The following AGMO variants were observed in gnomAD, a reference collection of about 807,000 sequenced individuals.
AGMO encodes glyceryl-ether monooxygenase.
Under a neutral mutation model 60.2 loss-of-function variants are expected in AGMO, and 75 were observed. The ratio of observed to expected loss-of-function variants is 1.25; its 90% CI spans 1.03 to 1.51. AGMO has a LOEUF of 1.51. Ranked by LOEUF, AGMO falls within the 40% of genes most tolerant of loss-of-function variation. The pLI is 0.00. For synonymous variants in AGMO, 261 were observed against 177.1 expected (o/e 1.47, Z -3.76); for missense variants, 763 against 525.5 (o/e 1.45, Z -4.42).
the AGMO span, among the ~76,000 whole-genome samples, chr7:15,192,000 CACACACAG>C: frequency 2.0e-3 from 275 of 134,856 alleles, no homozygotes; most frequent in African/African-American, 7.5e-3. Context: ...CACACACACA[CACACACAG>C]AGAACTATTC....
At chr7:15,235,678 G>A (rs1782397228) in intron 12 of AGMO, among the ~76,000 whole-genome samples, 2 of 152,100 alleles carry the variant, frequency 1.3e-5, no homozygotes, top group African/African-American at 4.8e-5. Context: ...GATAGGGATT[G>A]TTATAGCCAC....
intron 12 of AGMO, among the ~76,000 whole-genome samples, chr7:15,310,779 G>T (rs1780747330): frequency 6.6e-6 from 1 of 151,978 alleles, no homozygotes; most frequent in African/African-American, 2.4e-5. Flanking sequence ...GTCTGAAATG[G>T]GCCTCACTGT....
At chr7:15,174,733 A>G in the AGMO span, among the ~76,000 whole-genome samples, 1 of 148,820 alleles carries the variant, frequency 6.7e-6, no homozygotes, top group Non-Finnish European at 1.5e-5. Flanking sequence ...TACTGGGCAC[A>G]CCTATTTTAA....
At chr7:15,451,028 T>C (rs1781842991) in intron 3 of AGMO, among the ~76,000 whole-genome samples, 1 of 151,752 alleles carries the variant, frequency 6.6e-6, no homozygotes, top group Non-Finnish European at 1.5e-5. Flanking sequence ...GGTAAATATG[T>C]TAGAAAAATT....
intron 10 of AGMO, among the ~76,000 whole-genome samples, chr7:15,380,852 G>C (rs933253381): frequency 6.6e-6 from 1 of 152,110 alleles, no homozygotes; most frequent in African/African-American, 2.4e-5. Flanking sequence ...CAATGGAACA[G>C]AACAGAGAAC....
intron 2 of AGMO, among the ~76,000 whole-genome samples, chr7:15,558,471 A>G (rs1785210912): frequency 6.6e-6 from 1 of 152,068 alleles, no homozygotes; most frequent in Admixed American, 6.6e-5. Context: ...AACTAAATCT[A>G]CATCTAAATC....
chr7:15,524,451 T>C (rs1784073510), intron 3 of AGMO, among the ~76,000 whole-genome samples: 1 of 152,192 alleles, frequency 6.6e-6, no homozygotes, highest in Non-Finnish European at 1.5e-5. Flanking sequence ...TAATTGGTAA[T>C]TATTTATAAA....
intron 10 of AGMO, among the ~76,000 whole-genome samples, chr7:15,383,587 AAAAT>A (rs1047920937): frequency 2.0e-5 from 3 of 152,184 alleles, no homozygotes; most frequent in Admixed American, 6.5e-5. Flanking sequence ...GTACCTAACT[AAAAT>A]AATTCCATAG....
chr7:15,119,375 C>A, the AGMO span, among the ~76,000 whole-genome samples: 5 of 152,076 alleles, frequency 3.3e-5, no homozygotes, highest in Admixed American at 6.6e-5. Flanking sequence ...ATTACCCAGT[C>A]TTGGGTGTTT....
chr7:15,518,961 G>T (rs1448774565), intron 3 of AGMO, among the ~76,000 whole-genome samples: 2 of 151,746 alleles, frequency 1.3e-5, no homozygotes, highest in African/African-American at 4.8e-5. Flanking sequence ...AACCAGTTTA[G>T]AGAAGAACAG....
intron 3 of AGMO, among the ~76,000 whole-genome samples, chr7:15,503,806 C>G (rs1783446013): frequency 6.6e-6 from 1 of 151,984 alleles, no homozygotes. Context: ...AGCATTTACT[C>G]ATAGTCTCTG....
intron 3 of AGMO, among the ~76,000 whole-genome samples, chr7:15,531,416 T>C (rs1434634104): frequency 1.3e-4 from 10 of 78,340 alleles, no homozygotes; most frequent in Non-Finnish European, 1.5e-4. Flanking sequence ...CTATATATAT[T>C]CTATATATAT....
chr7:15,285,606 T>C (rs1784079296), intron 12 of AGMO, among the ~76,000 whole-genome samples: 1 of 151,918 alleles, frequency 6.6e-6, no homozygotes. Flanking sequence ...TCCCAGGCCC[T>C]TGGATTGGCA....
chr7:15,434,143 C>T (rs1781333198), intron 3 of AGMO, among the ~76,000 whole-genome samples: 1 of 152,008 alleles, frequency 6.6e-6, no homozygotes, highest in African/African-American at 2.4e-5. Context: ...TGGCTCCCTG[C>T]TTCAGATAAT....
chr7:15,385,077 T>C (rs530640468), intron 10 of AGMO, among the ~76,000 whole-genome samples: 1 of 152,292 alleles, frequency 6.6e-6, no homozygotes, highest in African/African-American at 2.4e-5. Context: ...GGGAATTCTC[T>C]AAGTGAAGGT....
intron 2 of AGMO, among the ~76,000 whole-genome samples, chr7:15,550,722 G>A (rs1421688891): frequency 1.6e-4 from 23 of 142,602 alleles, no homozygotes; most frequent in African/African-American, 4.2e-4. Context: ...ATTCACAGCC[G>A]AATTCTACCA....
rs767457600 is a variant in AGMO, at chr7:15,390,873, CATA to C, written c.706_708del (p.Tyr236del). The C allele has an allele frequency of 1.2e-4, 195 of 1,604,324 alleles. No individual in the cohort carries two copies. Among genetic ancestry groups the C allele is most frequent in the Admixed American group, 1.0e-4 (6 of 59,228 alleles). ...TTATCCCAAATAATAAGAACACCAG[CATA>C]ATTTTTGTCTATGCAATAACGATTT... On this transcript the variant is annotated inframe_deletion, in exon 7 of 13. Coordinates refer to ENST00000342526, the MANE Select transcript of AGMO (RefSeq NM_001004320.2).
intron 12 of AGMO, among the ~76,000 whole-genome samples, chr7:15,261,286 C>T (rs186703535): frequency 0.011 from 1,683 of 151,910 alleles, 20 homozygotes; most frequent in Middle Eastern, 0.017. Context: ...GAGAGACGAT[C>T]CAAATAAGCT....
At position 15,328,101 on chromosome 7, in the gene AGMO, TTTTC is replaced by T. The variant is rs542219935; in HGVS notation, c.1263+37409_1263+37412del. On this transcript the variant is annotated intron_variant, in intron 12 of 12. Coordinates refer to ENST00000342526, the MANE Select transcript of AGMO (RefSeq NM_001004320.2). ...AATACACTGAGTCCTTCCTTCCTTC[TTTTC>T]TTTTTTATTTTTTTTCCAAAGTCTC... 7.5e-4 allele frequency among the ~76,000 whole-genome samples: 114 copies of T among 151,430 alleles called. No individual in the cohort carries two copies. The Middle Eastern group carries it at 0.01, about 14-fold the overall frequency.
Sources: gnomAD v4.1 joint callset for allele counts (sites outside exome capture counted in the v4.1 genomes callset) on GRCh38, gnomAD v4.1.1 for gene constraint, MANE v1.5 for transcripts, NCBI Gene and HGNC (gene_info 2026-07-23, HGNC 2026-07-21) for gene names.